SHLD1: variants seen among roughly 807,000 people sequenced by gnomAD.
SHLD1 encodes RINN1-REV7-interacting novel NHEJ regulator 3.
In SHLD1, 3 loss-of-function variants were observed where a neutral mutation model predicts 5.5. The ratio of observed to expected loss-of-function variants is 0.54; its 90% CI spans 0.25 to 1.40. SHLD1 has a LOEUF of 1.40. Ranked by LOEUF, SHLD1 falls within the 40% of genes most tolerant of loss-of-function variation. SHLD1 has a pLI of 0.15. For synonymous variants in SHLD1, 92 were observed against 94.3 expected, an observed-to-expected ratio of 0.98 and a Z score of 0.14; for missense variants, 210 against 244.4, an observed-to-expected ratio of 0.86 and a Z score of 0.94.
chr20:5,773,384 C>T, intron 2 of SHLD1: 1 of 563,358 alleles, frequency 1.8e-6, no homozygotes, highest in South Asian at 2.3e-5. Flanking sequence ...TCTTTTAAAA[C>T]TTCAGAAAAT....
intron 2 of SHLD1, among the ~76,000 whole-genome samples, chr20:5,817,636 AG>A (rs1309363769): frequency 6.6e-6 from 1 of 152,142 alleles, no homozygotes; most frequent in South Asian, 2.1e-4. Flanking sequence ...TCTGGCTGTC[AG>A]AACATGCATG....
At chr20:5,841,818 A>G (rs1473264775) in intron 2 of SHLD1, among the ~76,000 whole-genome samples, 1 of 152,158 alleles carries the variant, frequency 6.6e-6, no homozygotes, top group Non-Finnish European at 1.5e-5. Context: ...TTTTTCCAAA[A>G]GAGTGTTTGG....
At chr20:5,767,704 T>A (rs1221389832) in intron 1 of SHLD1, among the ~76,000 whole-genome samples, 3 of 152,240 alleles carry the variant, frequency 2.0e-5, no homozygotes, top group African/African-American at 7.2e-5. Flanking sequence ...TCATGACACC[T>A]GGTGCCAGCT....
At chr20:5,808,619 G>A (rs1256742046) in intron 2 of SHLD1, among the ~76,000 whole-genome samples, 2 of 152,300 alleles carry the variant, frequency 1.3e-5, no homozygotes, top group Non-Finnish European at 2.9e-5. Flanking sequence ...TTAACGAGAT[G>A]TCTATTGATG....
chr20:5,780,256 G>A (rs763810779), intron 2 of SHLD1, among the ~76,000 whole-genome samples: 4 of 152,144 alleles, frequency 2.6e-5, no homozygotes, highest in South Asian at 2.1e-4. Context: ...TGAATTACAG[G>A]TGTGAGCCAG....
chr20:5,841,673 CTG>C (rs2087863087), intron 2 of SHLD1, among the ~76,000 whole-genome samples: 1 of 152,220 alleles, frequency 6.6e-6, no homozygotes, highest in Non-Finnish European at 1.5e-5. Context: ...ATTTCTGCCT[CTG>C]TTTATCTTAT....
At chr20:5,850,646 G>T (rs1423563328) in intron 2 of SHLD1, among the ~76,000 whole-genome samples, 1 of 151,916 alleles carries the variant, frequency 6.6e-6, no homozygotes, top group Non-Finnish European at 1.5e-5. Flanking sequence ...GAGTAGCTGG[G>T]ATTACAGGTG....
intron 1 of SHLD1, chr20:5,772,270 A>G (rs143379499): frequency 4.9e-6 from 2 of 409,524 alleles, no homozygotes; most frequent in South Asian, 1.8e-5. Flanking sequence ...TGGGGCCATT[A>G]ATAAGTAAAA....
In SHLD1 at chr20:5,789,943, C is replaced by T. The variant is rs528015153; in HGVS notation, c.178+16900C>T. 2.6e-5 allele frequency among the ~76,000 whole-genome samples: 4 copies of T among 152,280 alleles called. No individual in the cohort carries two copies. The East Asian group carries it at 5.8e-4, about 22-fold the overall frequency. On this transcript the variant is annotated intron_variant, in intron 2 of 2. Coordinates refer to ENST00000303142, the MANE Select transcript of SHLD1 (RefSeq NM_152504.4). ...AACATGACCAGGAAAGCCCAGCCCC[C>T]GGGAAGGGGAGATTAATAGGAGGCC...
chr20:5,798,493 A>G (rs1298068096), intron 2 of SHLD1, among the ~76,000 whole-genome samples: 4 of 151,850 alleles, frequency 2.6e-5, no homozygotes, highest in African/African-American at 4.8e-5. Context: ...TAGTAGAGAC[A>G]GGGTTTCACC....
Position 5,769,525 on chromosome 20 carries a change from C to T in SHLD1, c.-4-3337C>T, listed in dbSNP as rs577291508. ...AATATGTACTACGTTTTTTCCTATG[C>T]ATATATACATACCTATGATAAAGGT... On this transcript the variant is annotated intron_variant, in intron 1 of 2. Transcript: ENST00000303142. 1.2e-3 allele frequency among the ~76,000 whole-genome samples: 190 copies of T among 152,264 alleles called. 1 individual carries two copies. Among genetic ancestry groups the T allele is most frequent in the Non-Finnish European group, 2.5e-3 (167 of 68,024 alleles).
intron 2 of SHLD1, among the ~76,000 whole-genome samples, chr20:5,833,798 A>T (rs2087758457): frequency 7.5e-6 from 1 of 133,818 alleles, no homozygotes; most frequent in Admixed American, 7.5e-5. Context: ...AAAAAGAGAG[A>T]GAAAGAGAGA....
chr20:5,860,832 G>T (rs1485330148), intron 2 of SHLD1, among the ~76,000 whole-genome samples: 2 of 128,694 alleles, frequency 1.6e-5, no homozygotes, highest in African/African-American at 5.7e-5. Flanking sequence ...TTGGGTAAAA[G>T]CTCTGGGCAT....
chr20:5,764,658 C>T (rs1434530548), intron 1 of SHLD1, among the ~76,000 whole-genome samples: 1 of 151,984 alleles, frequency 6.6e-6, no homozygotes, highest in Non-Finnish European at 1.5e-5. Flanking sequence ...ACGATCACAC[C>T]ACTGCACTCC....
At chr20:5,839,006 C>T (rs561445446) in intron 2 of SHLD1, among the ~76,000 whole-genome samples, 1 of 152,244 alleles carries the variant, frequency 6.6e-6, no homozygotes, top group Admixed American at 6.5e-5. Context: ...TCTATCATTT[C>T]CTCCTACACC....
In SHLD1 at chr20:5,817,986, G is replaced by A. The variant is rs182167532; in HGVS notation, c.178+44943G>A. Among the ~76,000 whole-genome samples the A allele has an allele frequency of 8.0e-3, 1,223 of 152,304 alleles. 6 individuals carry two copies. Among genetic ancestry groups the A allele is most frequent in the Non-Finnish European group, 0.013 (862 of 68,026 alleles). ...CACATCTTGCGTCCCTTCTCTCAGT[G>A]ATCAAAGTCCTATACTAACTGTGAC... On this transcript the variant is annotated intron_variant, in intron 2 of 2. Transcript: ENST00000303142.
intron 2 of SHLD1, among the ~76,000 whole-genome samples, chr20:5,821,530 A>ACAAAG (rs2087606272): frequency 6.6e-6 from 1 of 151,954 alleles, no homozygotes; most frequent in Non-Finnish European, 1.5e-5. Flanking sequence ...ACAAAACAAA[A>ACAAAG]CAAAAAAACT....
Position 5,792,244 on chromosome 20 carries a change from A to C in SHLD1, c.178+19201A>C, listed in dbSNP as rs2087151449. Among the ~76,000 whole-genome samples, 6 of 152,120 alleles carry C rather than the reference A, an allele frequency of 3.9e-5. 1 individual carries two copies. The South Asian group carries it at 1.2e-3, about 32-fold the overall frequency. The stretch of plus-strand genomic sequence containing the variant: ...TTTTGTTTCCTGTACTTTCGGTGTC[A>C]TGTCTAAGAAATCATTGCCAAGTCT... On this transcript the variant is annotated intron_variant, in intron 2 of 2. Coordinates refer to ENST00000303142, the MANE Select transcript of SHLD1 (RefSeq NM_152504.4).
chr20:5,751,304 T>C (rs1017550856), intron 1 of SHLD1, among the ~76,000 whole-genome samples: 1 of 151,832 alleles, frequency 6.6e-6, no homozygotes, highest in African/African-American at 2.4e-5. Flanking sequence ...TTCATGACTT[T>C]TGTTCTTTTT....
Sources: gnomAD v4.1 joint callset for allele counts (sites outside exome capture counted in the v4.1 genomes callset) on GRCh38, gnomAD v4.1.1 for gene constraint, MANE v1.5 for transcripts, NCBI Gene and HGNC (gene_info 2026-07-23, HGNC 2026-07-21) for gene names.